Variants in IGF1 observed in about 807,000 individuals in gnomAD.
The protein encoded by IGF1 is insulin like growth factor 1.
Under a neutral mutation model 13.8 loss-of-function variants are expected in IGF1, and 4 were observed. The ratio of observed to expected loss-of-function variants is 0.29; its 90% CI spans 0.14 to 0.66. The LOEUF is 0.66. Ranked by LOEUF, IGF1 falls within the 30% of genes least tolerant of loss-of-function variation. The pLI, the probability that IGF1 is intolerant of heterozygous loss-of-function variation, is 0.78. For synonymous variants in IGF1, 76 were observed against 72.6 expected (o/e 1.05, Z -0.23); for missense variants, 124 against 188.5 (o/e 0.66, Z 2.00).
At chr12:102,480,724 A>G (rs1881347507), upstream of IGF1, 1 of 561,950 alleles carries the variant, frequency 1.8e-6, no homozygotes, top group Non-Finnish European at 2.7e-6. Flanking sequence ...ATACCTTTGC[A>G]TTTTAAAACT....
intron 2 of IGF1, among the ~76,000 whole-genome samples, chr12:102,439,665 C>T (rs550089344): frequency 1.3e-5 from 2 of 149,192 alleles, no homozygotes; most frequent in East Asian, 2.0e-4. Context: ...AGATTTCATT[C>T]TCCTATTTTA....
intron 3 of IGF1, among the ~76,000 whole-genome samples, chr12:102,405,625 T>G (rs1452696813): frequency 6.6e-6 from 1 of 152,178 alleles, no homozygotes; most frequent in African/African-American, 2.4e-5. Flanking sequence ...TAATTTGAAT[T>G]TTACCTTTTG....
At chr12:102,459,385 T>A (rs1879714128) in intron 2 of IGF1, among the ~76,000 whole-genome samples, 1 of 152,152 alleles carries the variant, frequency 6.6e-6, no homozygotes, top group Non-Finnish European at 1.5e-5. Context: ...CCTCAAGCAG[T>A]CTTGCACATA....
intron 3 of IGF1, among the ~76,000 whole-genome samples, chr12:102,416,637 T>G (rs1192832717): frequency 6.6e-6 from 1 of 152,140 alleles, no homozygotes; most frequent in Non-Finnish European, 1.5e-5. Context: ...AGATCTAACA[T>G]AGTATGTTCC....
chr12:102,417,953 A>G (rs1359596809), intron 3 of IGF1: 1 of 1,613,342 alleles, frequency 6.2e-7, no homozygotes, highest in Non-Finnish European at 8.5e-7. Context: ...TCTTTGGCCA[A>G]CCTTTCCTTC....
chr12:102,405,974 A>G (rs1263397073), intron 3 of IGF1, among the ~76,000 whole-genome samples: 1 of 152,248 alleles, frequency 6.6e-6, no homozygotes, highest in Admixed American at 6.5e-5. Flanking sequence ...GTAAAGTCTG[A>G]GCGGAGGGAT....
chr12:102,418,013 T>A, intron 3 of IGF1: 1 of 1,602,704 alleles, frequency 6.2e-7, no homozygotes, highest in Non-Finnish European at 8.5e-7. Context: ...ACTGTAAACA[T>A]CACAAAAATA....
intron 3 of IGF1, among the ~76,000 whole-genome samples, chr12:102,406,731 C>A (rs1050291091): frequency 5.9e-5 from 9 of 152,118 alleles, no homozygotes; most frequent in African/African-American, 1.9e-4. Flanking sequence ...TTCACCTTCT[C>A]CCATTATCTC....
intron 2 of IGF1, among the ~76,000 whole-genome samples, chr12:102,461,178 C>T (rs1391774430): frequency 6.6e-6 from 1 of 152,122 alleles, no homozygotes; most frequent in Admixed American, 6.6e-5. Context: ...AAAAACTGGT[C>T]CTCTCTCACT....
chr12:102,426,646 G>T (rs1274408487), intron 2 of IGF1, among the ~76,000 whole-genome samples: 1 of 152,200 alleles, frequency 6.6e-6, no homozygotes, highest in Middle Eastern at 3.2e-3. Flanking sequence ...AGGCGTATGG[G>T]CTTATCTTGA....
Position 102,480,513 on chromosome 12 carries a change from G to A in IGF1, c.-132C>T. On this transcript the variant is annotated 5_prime_UTR_variant, in exon 1 of 4. Transcript: ENST00000337514. The stretch of plus-strand genomic sequence containing the variant: ...TTGAGGACTTTATTCCATTGCGCAG[G>A]CTCTATCTGCTCTGAATTTAGCAGT... The A allele has an allele frequency of 6.5e-7, 1 of 1,527,002 alleles. No homozygotes were observed. The highest frequency in any genetic ancestry group is 8.8e-7 in the Non-Finnish European group (1 of 1,137,284). 94.6% of individuals were successfully genotyped at this position (1,527,002 alleles called of 1,614,324 possible).
At chr12:102,481,035 T>C (rs989548701), upstream of IGF1, among the ~76,000 whole-genome samples, 6 of 152,148 alleles carry the variant, frequency 3.9e-5, no homozygotes, top group Admixed American at 2.0e-4. Context: ...TGGGGTAAAG[T>C]AGATTGGAAG....
At chr12:102,408,120 T>C (rs1874325556) in intron 3 of IGF1, among the ~76,000 whole-genome samples, 1 of 152,206 alleles carries the variant, frequency 6.6e-6, no homozygotes. Context: ...TTGTACAGCA[T>C]AAAGTACTAA....
Position 102,475,773 on chromosome 12 carries a change from C to T in IGF1, c.90G>A (p.Ser30=), listed in dbSNP as rs374228630. The T allele has an allele frequency of 3.9e-5, 63 of 1,613,792 alleles. No homozygotes were observed. Among genetic ancestry groups the T allele is most frequent in the Admixed American group, 2.3e-4 (14 of 59,972 alleles). Residue 30 remains serine (S), a synonymous_variant, in exon 2 of 4, where the codon TCG becomes TCA. Transcript: ENST00000337514. ...LKVKMHTMSS[S]HLFYLALCLL... is the part of the protein sequence containing the mutation. Reference sequence around the variant, plus strand: ...GGCACAGCGCCAGGTAGAAGAGATGCGAGGAGGACATGGTGTGCATCTTCA... The same window carrying T: ...GGCACAGCGCCAGGTAGAAGAGATGTGAGGAGGACATGGTGTGCATCTTCA...
Position 102,447,995 on chromosome 12 carries a change from A to T in IGF1, c.220+27648T>A, listed in dbSNP as rs148246587. Among the ~76,000 whole-genome samples, 169 of 152,290 alleles carry T rather than the reference A, an allele frequency of 1.1e-3. 1 individual carries two copies. Among genetic ancestry groups the T allele is most frequent in the East Asian group, 0.01 (54 of 5,184 alleles). On this transcript the variant is annotated intron_variant, in intron 2 of 3. Coordinates refer to ENST00000337514, the MANE Select transcript of IGF1 (RefSeq NM_000618.5). ...TCAGAGTGAACAGGCAACCTACAGA[A>T]TGGGAGAAAATTTTTTCAATCTATC...
At chr12:102,412,717 T>C (rs569035182) in intron 3 of IGF1, among the ~76,000 whole-genome samples, 1 of 152,358 alleles carries the variant, frequency 6.6e-6, no homozygotes, top group Non-Finnish European at 1.5e-5. Flanking sequence ...CCTGGTATGA[T>C]AAGAACTTTC....
intron 2 of IGF1, among the ~76,000 whole-genome samples, chr12:102,452,537 T>C (rs1363936243): frequency 6.6e-6 from 1 of 152,144 alleles, no homozygotes; most frequent in Non-Finnish European, 1.5e-5. Context: ...TTTGCAGATC[T>C]GTAACACTCA....
rs1873313718 is a variant in IGF1 at position 102,397,515 on chromosome 12, G to C, written c.*4992C>G. 1 of 151,998 alleles carries C rather than the reference G, an allele frequency of 6.6e-6. No individual in the cohort carries two copies. Among genetic ancestry groups the C allele is most frequent in the Non-Finnish European group, 1.5e-5 (1 of 67,990 alleles). The allele number at this position is 151,998 out of a possible 1,614,324, so 9.4% of individuals were successfully genotyped here. On this transcript the variant is annotated 3_prime_UTR_variant, in exon 4 of 4. Transcript: ENST00000337514. ...GACAGTCTTCTCTCTTTTTTAAATA[G>C]AAATTACACAAAAAAGATATCTATG...
chr12:102,435,653 C>T (rs1418513625), intron 2 of IGF1, among the ~76,000 whole-genome samples: 1 of 152,192 alleles, frequency 6.6e-6, no homozygotes, highest in African/African-American at 2.4e-5. Flanking sequence ...AATGGCAAGA[C>T]TTCTCCACCC....
Sources: gnomAD v4.1 joint callset for allele counts (sites outside exome capture counted in the v4.1 genomes callset) on GRCh38, gnomAD v4.1.1 for gene constraint, MANE v1.5 for transcripts, NCBI Gene and HGNC (gene_info 2026-07-23, HGNC 2026-07-21) for gene names.